Variants in CYFIP2 observed in about 807,000 individuals in gnomAD.
The protein encoded by CYFIP2 is cytoplasmic FMR1 interacting protein 2, also known as cytoplasmic FMR1-interacting protein 2.
CYFIP2 carries 29 observed loss-of-function variants against 158.7 expected under a neutral mutation model. The ratio of observed to expected loss-of-function variants is 0.18; its 90% confidence interval spans 0.14 to 0.25. The LOEUF (loss-of-function observed/expected upper bound fraction) is 0.25. Among genes scored for constraint, CYFIP2 ranks in the 10% least tolerant of loss-of-function variants. The pLI, the probability that CYFIP2 is intolerant of heterozygous loss-of-function variation, is 1.00. For synonymous variants in CYFIP2, 585 were observed against 617.6 expected (o/e 0.95, Z 0.78); for missense variants, 852 against 1,639.5 (o/e 0.52, Z 8.29).
intron 26 of CYFIP2, among the ~76,000 whole-genome samples, chr5:157,372,609 A>G (rs923961424): frequency 5.3e-5 from 8 of 152,196 alleles, no homozygotes; most frequent in Admixed American, 3.9e-4. Flanking sequence ...GGTAAGATCT[A>G]TTCTTGGTAA....
chr5:157,321,496 G>GA (rs141119096), intron 15 of CYFIP2, among the ~76,000 whole-genome samples: 1,612 of 152,052 alleles, frequency 0.011, 34 homozygotes, highest in African/African-American at 0.036. Context: ...TAACGTTACA[G>GA]AAAAAAAAGT....
At chr5:157,384,938 T>TCAA (rs1766513383) in intron 28 of CYFIP2, 1 of 24,292 alleles carries the variant, frequency 4.1e-5, no homozygotes, top group African/African-American at 1.6e-4. Flanking sequence ...AGACTCCATC[T>TCAA]CAAAAAAAAA....
intron 26 of CYFIP2, among the ~76,000 whole-genome samples, chr5:157,377,804 A>G (rs188936559): frequency 2.9e-4 from 44 of 152,294 alleles, no homozygotes; most frequent in African/African-American, 9.6e-4. Context: ...AATGAGAAAA[A>G]TATAGAGAAC....
chr5:157,286,003 G>A (rs368519644), intron 2 of CYFIP2, among the ~76,000 whole-genome samples: 2 of 152,120 alleles, frequency 1.3e-5, no homozygotes, highest in Non-Finnish European at 2.9e-5. Context: ...CCCTTGTCTG[G>A]GTGTGCCAGG....
At chr5:157,389,053 C>A in intron 28 of CYFIP2, 136 bp from the exon 29 acceptor site, 1 of 724,534 alleles carries the variant, frequency 1.4e-6, no homozygotes, top group Non-Finnish European at 2.2e-6. Flanking sequence ...CAATTTTGTG[C>A]CCTGCTCTGA....
chr5:157,387,560 G>A (rs948547699), intron 28 of CYFIP2, among the ~76,000 whole-genome samples: 53 of 152,276 alleles, frequency 3.5e-4, no homozygotes, highest in African/African-American at 9.1e-4. Context: ...TTTACTGAGC[G>A]TCTCCCCTGT....
chr5:157,355,941 C>T (rs1363143625), intron 23 of CYFIP2, among the ~76,000 whole-genome samples: 2 of 152,160 alleles, frequency 1.3e-5, no homozygotes, highest in African/African-American at 2.4e-5. Context: ...AAATTTAAAG[C>T]ATGTTTCTGC....
chr5:157,278,729 C>G (rs1756757496), intron 1 of CYFIP2, among the ~76,000 whole-genome samples: 1 of 152,090 alleles, frequency 6.6e-6, no homozygotes, highest in Non-Finnish European at 1.5e-5. Flanking sequence ...TTCATCCTCT[C>G]TATTGAAAAC....
At chr5:157,288,563 A>G in intron 3 of CYFIP2, 1 of 455,632 alleles carries the variant, frequency 2.2e-6, no homozygotes, top group South Asian at 1.6e-5. Context: ...CAGTGAGTCA[A>G]GTGGGAAATA....
intron 21 of CYFIP2, among the ~76,000 whole-genome samples, chr5:157,337,729 C>T (rs1361018691): frequency 1.3e-5 from 2 of 152,252 alleles, no homozygotes; most frequent in Admixed American, 1.3e-4. Context: ...GCCATTACAG[C>T]CGACCCTATG....
chr5:157,346,225 G>A (rs1206307662), intron 23 of CYFIP2, among the ~76,000 whole-genome samples: 3 of 152,296 alleles, frequency 2.0e-5, no homozygotes, highest in East Asian at 3.9e-4. Flanking sequence ...GAAGACCTGA[G>A]CCCTATCCCT....
intron 8 of CYFIP2, among the ~76,000 whole-genome samples, chr5:157,306,893 T>TAA (rs759718809): frequency 1.6e-4 from 21 of 127,830 alleles, no homozygotes; most frequent in Non-Finnish European, 1.7e-4. Context: ...GAGGCCATCT[T>TAA]AAAAAAAAAA....
intron 18 of CYFIP2, among the ~76,000 whole-genome samples, chr5:157,326,926 C>G (rs755259527): frequency 2.0e-5 from 3 of 152,182 alleles, no homozygotes; most frequent in Admixed American, 1.3e-4. Flanking sequence ...GAATCATTAA[C>G]CTTATGGAGC....
chr5:157,291,595 C>A (rs548647965), intron 3 of CYFIP2, among the ~76,000 whole-genome samples: 1 of 152,234 alleles, frequency 6.6e-6, no homozygotes, highest in Non-Finnish European at 1.5e-5. Context: ...GTGTTCCTTA[C>A]GTGACTGTCA....
chr5:157,311,059 G>A lies in CYFIP2; in HGVS notation c.993-605G>A, dbSNP rs954467077. ...GTGGAAAAAAGGCGGAGGGAAGGAG[G>A]AAAGAGGGTGGAAAGAGAAGGAGAG... is the stretch of plus-strand genomic sequence containing the variant. On this transcript the variant is annotated intron_variant, in intron 10 of 30. Coordinates refer to ENST00000620254, the MANE Select transcript of CYFIP2 (RefSeq NM_001037333.3). The surrounding 1 kb of genome is among the most constrained non-coding windows in gnomAD (Gnocchi z 4.7). 9.1e-6 allele frequency: 4 copies of A among 439,286 alleles called. No individual in the cohort carries two copies. Among genetic ancestry groups the A allele is most frequent in the African/African-American group, 4.4e-5 (2 of 45,940 alleles). 27.2% of individuals were successfully genotyped at this position (439,286 alleles called of 1,614,324 possible).
At chr5:157,290,126 G>C (rs906150483) in intron 3 of CYFIP2, among the ~76,000 whole-genome samples, 1 of 152,298 alleles carries the variant, frequency 6.6e-6, no homozygotes, top group African/African-American at 2.4e-5. Context: ...GGAAGGAGGG[G>C]TTAGGTTGGA....
intron 3 of CYFIP2, among the ~76,000 whole-genome samples, chr5:157,293,122 C>A (rs1757967944): frequency 6.6e-6 from 1 of 152,124 alleles, no homozygotes; most frequent in Non-Finnish European, 1.5e-5. Context: ...ATGGCGCAAT[C>A]TAAGCTCATT....
At chr5:157,344,736 C>T (rs535582345) in intron 23 of CYFIP2, among the ~76,000 whole-genome samples, 31 of 152,186 alleles carry the variant, frequency 2.0e-4, no homozygotes, top group Non-Finnish European at 5.9e-5. Flanking sequence ...CACATGAAAC[C>T]CCGTAGGTTT....
intron 23 of CYFIP2, among the ~76,000 whole-genome samples, chr5:157,351,266 G>A (rs1043417722): frequency 6.6e-6 from 1 of 152,164 alleles, no homozygotes; most frequent in Non-Finnish European, 1.5e-5. Flanking sequence ...AGAAGAAAAG[G>A]TCAGTGGTTC....
Sources: gnomAD v4.1 joint callset for allele counts (sites outside exome capture counted in the v4.1 genomes callset) on GRCh38, gnomAD v4.1.1 for gene constraint, Gnocchi (gnomAD v3.1) non-coding constraint, MANE v1.5 for transcripts, NCBI Gene and HGNC (gene_info 2026-07-23, HGNC 2026-07-21) for gene names.